The following RBFOX2 variants were observed in gnomAD, a reference collection of about 807,000 sequenced individuals.
RBFOX2 encodes RNA binding fox-1 homolog 2.
A neutral mutation model predicts 49.1 loss-of-function variants in RBFOX2; 10 were observed. The observed-to-expected ratio is 0.20, with a 90% CI of 0.13 to 0.35. RBFOX2 has a LOEUF of 0.35. Ranked by LOEUF, RBFOX2 falls within the 10% of genes least tolerant of loss-of-function variation. RBFOX2 has a pLI of 1.00. For missense variants in RBFOX2, 323 were observed against 486.9 expected (o/e 0.66, Z 3.17); for synonymous variants, 183 against 187.4 (o/e 0.98, Z 0.19).
At chr22:35,844,568 C>T (rs1249219513), upstream of RBFOX2, among the ~76,000 whole-genome samples, 2 of 151,830 alleles carry the variant, frequency 1.3e-5, no homozygotes, top group Non-Finnish European at 2.9e-5. Context: ...GATCTCAGCT[C>T]ACTGCAACCT....
intron 1 of RBFOX2, chr22:35,961,460 G>A (rs1055985333): frequency 4.1e-6 from 5 of 1,219,252 alleles, no homozygotes; most frequent in African/African-American, 1.6e-5. Flanking sequence ...CCACACGACC[G>A]ACCTCTCTGC....
chr22:35,902,110 C>T (rs1246813675), intron 1 of RBFOX2, among the ~76,000 whole-genome samples: 1 of 151,926 alleles, frequency 6.6e-6, no homozygotes, highest in African/African-American at 2.4e-5. Flanking sequence ...GCTGCATCAT[C>T]TTAAAAGACC....
intron 1 of RBFOX2, among the ~76,000 whole-genome samples, chr22:35,888,612 C>G (rs1051361784): frequency 6.6e-6 from 1 of 152,176 alleles, no homozygotes; most frequent in African/African-American, 2.4e-5. Context: ...GGGTCTCTGG[C>G]TGCTTCCTTC....
intron 1 of RBFOX2, among the ~76,000 whole-genome samples, chr22:35,909,658 T>C (rs1440042033): frequency 6.6e-6 from 1 of 152,296 alleles, no homozygotes; most frequent in African/African-American, 2.4e-5. Flanking sequence ...AGTCCCCCTG[T>C]TGGAGCGAAG....
In RBFOX2 at chr22:35,988,371, C is replaced by T. The variant is rs530288468; in HGVS notation, c.186+39869G>A. 1.1e-4 allele frequency among the ~76,000 whole-genome samples: 16 copies of T among 152,208 alleles called. No individual in the cohort carries two copies. The South Asian group carries it at 3.3e-3, about 32-fold the overall frequency. The stretch of plus-strand genomic sequence containing the variant: ...GAAAAAATAAAGATTAAAACAGAGT[C>T]CCTACCCTCGAAGAGCTTACAGTTT... On this transcript the variant is annotated intron_variant, in intron 1 of 13. Transcript: ENST00000438146.
chr22:35,763,953 C>T (rs558255285), intron 6 of RBFOX2, among the ~76,000 whole-genome samples: 56 of 152,296 alleles, frequency 3.7e-4, no homozygotes, highest in African/African-American at 1.3e-3. Flanking sequence ...CTTTCTGTCA[C>T]AATATTTCCC....
At chr22:35,835,999 C>T (rs572200760) in intron 1 of RBFOX2, among the ~76,000 whole-genome samples, 2 of 152,044 alleles carry the variant, frequency 1.3e-5, no homozygotes, top group African/African-American at 2.4e-5. Context: ...CCACAATCCC[C>T]GCCTATCCTC....
intron 1 of RBFOX2, among the ~76,000 whole-genome samples, chr22:35,846,357 TG>T (rs1420339605): frequency 6.6e-6 from 1 of 150,982 alleles, no homozygotes; most frequent in Non-Finnish European, 1.5e-5. Context: ...TGTGTGTGTG[TG>T]TGTGTGTGTG....
chr22:35,973,986 C>G (rs1346087069), intron 1 of RBFOX2, among the ~76,000 whole-genome samples: 1 of 152,206 alleles, frequency 6.6e-6, no homozygotes, highest in Non-Finnish European at 1.5e-5. Context: ...GTTCCCGAAA[C>G]AGCAGGGTCA....
At chr22:35,841,774 C>T (rs964081089), upstream of RBFOX2, among the ~76,000 whole-genome samples, 21 of 152,098 alleles carry the variant, frequency 1.4e-4, no homozygotes, top group African/African-American at 5.1e-4. Flanking sequence ...AACACGAGCT[C>T]TCCATTTAAA....
intron 1 of RBFOX2, among the ~76,000 whole-genome samples, chr22:35,821,509 C>T (rs1277457163): frequency 1.4e-5 from 2 of 141,530 alleles, no homozygotes; most frequent in Admixed American, 8.0e-5. Flanking sequence ...GGCAGGAGAA[C>T]TGCTTGAACC....
At chr22:35,989,054 G>C (rs2057850166) in intron 1 of RBFOX2, among the ~76,000 whole-genome samples, 1 of 152,232 alleles carries the variant, frequency 6.6e-6, no homozygotes, top group Admixed American at 6.5e-5. Flanking sequence ...GGAGGAATCA[G>C]TTTTAGATGT....
intron 1 of RBFOX2, among the ~76,000 whole-genome samples, chr22:35,851,774 G>A (rs1022536769): frequency 4.5e-4 from 67 of 150,526 alleles, no homozygotes; most frequent in African/African-American, 1.6e-3. Context: ...GCTCACCACC[G>A]CAGCCGAGAT....
At chr22:35,777,832 C>A (rs1438999618) in intron 4 of RBFOX2, 193 bp downstream of exon 5, 3 of 588,056 alleles carry the variant, frequency 5.1e-6, no homozygotes, top group Non-Finnish European at 8.8e-6. Context: ...CACCCTTCCA[C>A]CCCCATATAA....
chr22:35,994,537 C>G (rs1464906552), intron 1 of RBFOX2: 1 of 152,018 alleles, frequency 6.6e-6, no homozygotes, highest in African/African-American at 2.4e-5. Context: ...TCCCAAGTAG[C>G]TGGGACCACA....
intron 1 of RBFOX2, among the ~76,000 whole-genome samples, chr22:35,827,777 C>G (rs922402191): frequency 2.0e-5 from 3 of 152,124 alleles, no homozygotes; most frequent in African/African-American, 7.2e-5. Context: ...CTGATTTTCA[C>G]TCATAAATTA....
chr22:35,745,825 G>C (rs1441497293), intron 11 of RBFOX2, 98 bp downstream of exon 13: 2 of 1,238,126 alleles, frequency 1.6e-6, no homozygotes, highest in Non-Finnish European at 2.3e-6. Context: ...GATGGTGGAT[G>C]AAAGGCTGAA....
At chr22:35,887,723 A>G (rs2046764223) in intron 1 of RBFOX2, among the ~76,000 whole-genome samples, 1 of 152,146 alleles carries the variant, frequency 6.6e-6, no homozygotes, top group Non-Finnish European at 1.5e-5. Flanking sequence ...TCACTCTGAT[A>G]ACTTCAACAG....
At chr22:35,758,487 A>G (rs1232038362) in intron 9 of RBFOX2, among the ~76,000 whole-genome samples, 2 of 152,234 alleles carry the variant, frequency 1.3e-5, no homozygotes, top group African/African-American at 4.8e-5. Context: ...CCTAGTGTGT[A>G]AAACTTCCAA....
Sources: allele counts gnomAD v4.1 joint callset (sites outside exome capture counted in the v4.1 genomes callset), GRCh38; gene constraint gnomAD v4.1.1; transcripts MANE v1.5; gene names NCBI Gene and HGNC (gene_info 2026-07-23, HGNC 2026-07-21).